The following BCKDHB variants were observed in gnomAD, a reference collection of about 807,000 sequenced individuals.
The protein encoded by BCKDHB is 2-oxoisovalerate dehydrogenase subunit beta, mitochondrial.
A neutral mutation model predicts 48.5 loss-of-function variants in BCKDHB; 41 were observed. The observed-to-expected ratio is 0.85, with a 90% CI of 0.66 to 1.10. BCKDHB has a LOEUF of 1.10. BCKDHB is among the 50% of genes least tolerant of loss of function. The probability of loss-of-function intolerance (pLI) is 0.00; values close to 1 mark genes in which losing one functional copy is unlikely to be tolerated. For missense variants in BCKDHB, 496 were observed against 494.2 expected (o/e 1.00, Z -0.03); for synonymous variants, 201 against 174.8 (o/e 1.15, Z -1.18).
intron 8 of BCKDHB, among the ~76,000 whole-genome samples, chr6:80,244,649 A>G (rs897061594): frequency 6.6e-6 from 1 of 152,204 alleles, no homozygotes; most frequent in Admixed American, 6.5e-5. Flanking sequence ...AATGTCTTCT[A>G]ATAGCTCATG....
intron 3 of BCKDHB, among the ~76,000 whole-genome samples, chr6:80,164,512 A>G (rs71565081): frequency 4.6e-5 from 7 of 152,140 alleles, no homozygotes; most frequent in Non-Finnish European, 8.8e-5. Flanking sequence ...AACAAACTAA[A>G]TATTTCCTTC....
intron 8 of BCKDHB, among the ~76,000 whole-genome samples, chr6:80,248,500 A>G (rs1776704273): frequency 6.6e-6 from 1 of 152,212 alleles, no homozygotes; most frequent in African/African-American, 2.4e-5. Context: ...AGTGACAATT[A>G]TGTGCAAAAT....
the BCKDHB span, among the ~76,000 whole-genome samples, chr6:80,403,592 C>T: frequency 1.2e-4 from 18 of 151,936 alleles, no homozygotes; most frequent in Non-Finnish European, 2.2e-4. Flanking sequence ...GATACTTGCT[C>T]TGACTAAAAC....
intron 3 of BCKDHB, among the ~76,000 whole-genome samples, chr6:80,132,227 G>GGGGAAGAGTCA (rs1770665648): frequency 6.6e-6 from 1 of 151,576 alleles, no homozygotes; most frequent in Non-Finnish European, 1.5e-5. Context: ...AAACTCTTCC[G>GGGGAAGAGTCA]GACCCTCCAA....
chr6:80,199,075 T>A (rs1774261419), intron 6 of BCKDHB, among the ~76,000 whole-genome samples: 1 of 152,144 alleles, frequency 6.6e-6, no homozygotes, highest in Non-Finnish European at 1.5e-5. Flanking sequence ...CAGCTTCCAA[T>A]TCAGAGTCTG....
At chr6:80,409,575 C>CAT in the BCKDHB span, among the ~76,000 whole-genome samples, 129 of 50,192 alleles carry the variant, frequency 2.6e-3, 3 homozygotes, top group Admixed American at 3.4e-3. Flanking sequence ...GTATTGGTTG[C>CAT]ATATATATAT....
rs138321879 is a variant in BCKDHB, at chr6:80,278,652, C to T, written c.1038+5431C>T. On this transcript the variant is annotated intron_variant, in intron 9 of 9. Transcript: ENST00000320393. The stretch of plus-strand genomic sequence containing the variant: ...TCAGCTCACTGCAACCTCCGCCTGC[C>T]GGGTTCAAGCAATTCCCTGCCTCAG... Among the ~76,000 whole-genome samples the T allele has an allele frequency of 4.3e-4, 65 of 152,092 alleles. 2 individuals are homozygous for T. The East Asian group carries it at 0.012, about 28-fold the overall frequency.
intron 8 of BCKDHB, among the ~76,000 whole-genome samples, chr6:80,262,024 A>AG (rs1777328012): frequency 6.6e-6 from 1 of 152,160 alleles, no homozygotes; most frequent in Non-Finnish European, 1.5e-5. Flanking sequence ...CCCAAAGGGT[A>AG]GAGCGTGCAG....
chr6:80,313,208 C>T (rs563437965), intron 9 of BCKDHB, among the ~76,000 whole-genome samples: 15 of 152,242 alleles, frequency 9.9e-5, no homozygotes, highest in South Asian at 6.2e-4. Flanking sequence ...TTCTAGTTAA[C>T]GTGCATAGAA....
At chr6:80,257,920 T>A (rs1360907800) in intron 8 of BCKDHB, among the ~76,000 whole-genome samples, 1 of 152,084 alleles carries the variant, frequency 6.6e-6, no homozygotes, top group African/African-American at 2.4e-5. Flanking sequence ...TAAGGACAGA[T>A]CTTCAAGTTA....
intron 6 of BCKDHB, among the ~76,000 whole-genome samples, chr6:80,178,182 A>T (rs754429186): frequency 5.9e-5 from 9 of 152,180 alleles, no homozygotes; most frequent in African/African-American, 9.6e-5. Context: ...GTGGAGTCAG[A>T]GTTTAACTTT....
the BCKDHB span, among the ~76,000 whole-genome samples, chr6:80,458,512 C>T: frequency 4.6e-5 from 7 of 152,112 alleles, no homozygotes; most frequent in Admixed American, 6.5e-5. Context: ...GTCAGAGATT[C>T]GAAACGGATT....
intron 9 of BCKDHB, among the ~76,000 whole-genome samples, chr6:80,305,425 CTT>C (rs1023514839): frequency 3.3e-4 from 49 of 149,118 alleles, no homozygotes; most frequent in African/African-American, 1.1e-3. Flanking sequence ...AAAATTATGA[CTT>C]AATTAAAAAA....
intron 8 of BCKDHB, among the ~76,000 whole-genome samples, chr6:80,243,587 C>T (rs1422577585): frequency 6.6e-6 from 1 of 152,104 alleles, no homozygotes; most frequent in African/African-American, 2.4e-5. Context: ...GACTGGAGTG[C>T]AGTGGTGTGA....
chr6:80,291,873 G>A (rs932264990), intron 9 of BCKDHB, among the ~76,000 whole-genome samples: 2 of 152,046 alleles, frequency 1.3e-5, no homozygotes, highest in African/African-American at 4.8e-5. Flanking sequence ...ATTATACTTG[G>A]CCTATTTGTA....
chr6:80,107,514 C>CCT, intron 1 of BCKDHB, among the ~76,000 whole-genome samples: 1 of 24,666 alleles, frequency 4.1e-5, no homozygotes. Flanking sequence ...TATATGTGCG[C>CCT]ATATATATAT....
chr6:80,220,304 G>GTTTTTTTTTTTT (rs56967096), intron 8 of BCKDHB, among the ~76,000 whole-genome samples: 10 of 60,854 alleles, frequency 1.6e-4, no homozygotes, highest in Admixed American at 2.5e-4. Flanking sequence ...CATGCTATTT[G>GTTTTTTTTTTTT]TTTTTTTTTT....
At chr6:80,135,839 C>T (rs1430764214) in intron 3 of BCKDHB, 1 of 152,134 alleles carries the variant, frequency 6.6e-6, no homozygotes, top group African/African-American at 2.4e-5. Flanking sequence ...ATTTTCTCTC[C>T]AACAGTCCCT....
At chr6:80,326,655 A>AGGTAGGTAGATCACTTGAGGTC (rs1419282157) in intron 9 of BCKDHB, among the ~76,000 whole-genome samples, 1 of 152,176 alleles carries the variant, frequency 6.6e-6, no homozygotes, top group East Asian at 1.9e-4. Flanking sequence ...TGGGAGGCCG[A>AGGTAGGTAGATCACTTGAGGTC]GGTAGGTAGA....
Sources: gnomAD v4.1 joint callset for allele counts (sites outside exome capture counted in the v4.1 genomes callset) on GRCh38, gnomAD v4.1.1 for gene constraint, MANE v1.5 for transcripts, NCBI Gene and HGNC (gene_info 2026-07-23, HGNC 2026-07-21) for gene names.